The following GRM7 variants were observed in gnomAD, a reference collection of about 807,000 sequenced individuals.
GRM7 encodes glutamate metabotropic receptor 7, also known as metabotropic glutamate receptor 7.
A neutral mutation model predicts 84.5 loss-of-function variants in GRM7; 35 were observed. The observed-to-expected ratio is 0.41, with a 90% CI of 0.32 to 0.55. The LOEUF (loss-of-function observed/expected upper bound fraction) is 0.55. Among genes scored for constraint, GRM7 ranks in the 20% least tolerant of loss-of-function variants. GRM7 has a pLI of 0.19. For synonymous variants in GRM7, 487 were observed against 455.1 expected, an observed-to-expected ratio of 1.07 and a Z score of -0.89; for missense variants, 1,003 against 1,194.6, an observed-to-expected ratio of 0.84 and a Z score of 2.36.
At position 7,404,866 on chromosome 3, in the gene GRM7, T is replaced by C. The variant is rs578122936; in HGVS notation, c.1034-10157T>C. ...CTATATATAATCAATAAAAAATGTT[T>C]GCAATACACCCTATTGGTCTTGGTT... On this transcript the variant is annotated intron_variant, in intron 4 of 9. Transcript: ENST00000357716. Among the ~76,000 whole-genome samples the C allele has an allele frequency of 6.6e-5, 10 of 152,284 alleles. No individual in the cohort carries two copies. The South Asian group carries it at 2.1e-3, about 32-fold the overall frequency.
intron 4 of GRM7, among the ~76,000 whole-genome samples, chr3:7,376,565 C>T (rs189242876): frequency 1.3e-5 from 2 of 152,324 alleles, no homozygotes; most frequent in Admixed American, 6.5e-5. Context: ...TTCAGGGGCA[C>T]TCTAGACCAG....
intron 5 of GRM7, among the ~76,000 whole-genome samples, chr3:7,448,110 T>C (rs926909345): frequency 1.3e-4 from 19 of 151,908 alleles, no homozygotes; most frequent in African/African-American, 4.6e-4. Flanking sequence ...TAGTATTCCA[T>C]GGTGTATATG....
At position 7,263,524 on chromosome 3, in the gene GRM7, A is replaced by AC. The variant is rs1371469132; in HGVS notation, c.737-35159dup. Among the ~76,000 whole-genome samples, 9 of 152,256 alleles carry AC rather than the reference A, an allele frequency of 5.9e-5. No individual in the cohort carries two copies. In the South Asian group the frequency reaches 1.2e-3, roughly 21 times the overall value. On this transcript the variant is annotated intron_variant, in intron 2 of 9. Transcript: ENST00000357716. ...GGCATTTGCAGCAGTGTTGGTGGCA[A>AC]CACGGGTCAGGGGCGGCTCCACCTC...
chr3:7,345,802 G>A (rs1692863807), intron 4 of GRM7, among the ~76,000 whole-genome samples: 1 of 151,198 alleles, frequency 6.6e-6, no homozygotes, highest in South Asian at 2.1e-4. Flanking sequence ...AGGAAGCTGA[G>A]GGTAAAGTGT....
chr3:7,312,028 T>A (rs887415635), intron 4 of GRM7, among the ~76,000 whole-genome samples: 1 of 152,116 alleles, frequency 6.6e-6, no homozygotes, highest in African/African-American at 2.4e-5. Context: ...AATAACAAAG[T>A]CATAGCAAAT....
intron 1 of GRM7, among the ~76,000 whole-genome samples, chr3:6,951,725 A>C (rs549768669): frequency 2.6e-5 from 4 of 152,288 alleles, no homozygotes; most frequent in Non-Finnish European, 4.4e-5. Flanking sequence ...AAAAAAATAT[A>C]TGTGTGTTCC....
chr3:7,548,558 T>G (rs1693284106), intron 7 of GRM7, among the ~76,000 whole-genome samples: 1 of 152,130 alleles, frequency 6.6e-6, no homozygotes, highest in African/African-American at 2.4e-5. Context: ...TAATGGAAAA[T>G]CTCAGGCAAA....
chr3:7,725,528 C>T (rs1181851558), intron 9 of GRM7, among the ~76,000 whole-genome samples: 2 of 152,074 alleles, frequency 1.3e-5, no homozygotes, highest in East Asian at 3.9e-4. Flanking sequence ...GAAGTAAAGG[C>T]CTTGGTTTGG....
intron 7 of GRM7, among the ~76,000 whole-genome samples, chr3:7,535,643 T>C (rs1575465741): frequency 6.6e-6 from 1 of 152,228 alleles, no homozygotes; most frequent in Non-Finnish European, 1.5e-5. Context: ...AGTAAGAGTC[T>C]CTGTCAGGCA....
At chr3:7,242,924 C>A (rs1248143180) in intron 2 of GRM7, among the ~76,000 whole-genome samples, 2 of 152,036 alleles carry the variant, frequency 1.3e-5, no homozygotes, top group Admixed American at 1.3e-4. Context: ...CAATGTGGAG[C>A]CATAAAATAG....
chr3:7,556,583 G>A (rs1044011078), intron 7 of GRM7, among the ~76,000 whole-genome samples: 2 of 152,106 alleles, frequency 1.3e-5, no homozygotes, highest in Admixed American at 6.6e-5. Flanking sequence ...TTTGGTGCCA[G>A]GCATTGTACT....
At chr3:7,209,485 T>G (rs1311379993) in intron 2 of GRM7, among the ~76,000 whole-genome samples, 1 of 151,896 alleles carries the variant, frequency 6.6e-6, no homozygotes, top group East Asian at 1.9e-4. Context: ...CCAGAGACAA[T>G]GTGCTCTGAG....
At chr3:6,902,352 G>A (rs1037558504) in intron 1 of GRM7, among the ~76,000 whole-genome samples, 16 of 152,090 alleles carry the variant, frequency 1.1e-4, no homozygotes, top group Admixed American at 9.8e-4. Context: ...AAAATTTTAG[G>A]CAACCACAAT....
intron 8 of GRM7, among the ~76,000 whole-genome samples, chr3:7,620,102 TAGAAGATAA>T (rs1697288384): frequency 6.6e-6 from 1 of 152,086 alleles, no homozygotes; most frequent in Admixed American, 6.6e-5. Context: ...TATGAATAAT[TAGAAGATAA>T]GAAAGATGGT....
At chr3:7,056,224 G>A (rs1194086972) in intron 1 of GRM7, among the ~76,000 whole-genome samples, 1 of 151,998 alleles carries the variant, frequency 6.6e-6, no homozygotes, top group Admixed American at 6.6e-5. Context: ...GCTTCTGGCA[G>A]CCACAGTTTC....
intron 1 of GRM7, among the ~76,000 whole-genome samples, chr3:7,032,537 A>G (rs922446212): frequency 2.0e-5 from 3 of 152,132 alleles, no homozygotes; most frequent in African/African-American, 7.2e-5. Flanking sequence ...TCTCTTCTTC[A>G]CATCAAGCAA....
intron 7 of GRM7, among the ~76,000 whole-genome samples, chr3:7,522,069 T>C (rs1281872809): frequency 6.6e-6 from 1 of 152,124 alleles, no homozygotes; most frequent in Non-Finnish European, 1.5e-5. Flanking sequence ...TCCCAGCTCA[T>C]TTTGGAGGTT....
intron 9 of GRM7, among the ~76,000 whole-genome samples, chr3:7,696,763 T>C (rs1253458843): frequency 6.6e-6 from 1 of 152,206 alleles, no homozygotes; most frequent in Non-Finnish European, 1.5e-5. Context: ...GAAAAAACAG[T>C]ACAGGCAAAG....
chr3:7,471,967 T>A (rs1698720016), intron 7 of GRM7, among the ~76,000 whole-genome samples: 1 of 152,334 alleles, frequency 6.6e-6, no homozygotes, highest in South Asian at 2.1e-4. Context: ...GAGGGGGACC[T>A]AAAGGGAGGT....
Sources: allele counts gnomAD v4.1 joint callset (sites outside exome capture counted in the v4.1 genomes callset), GRCh38; gene constraint gnomAD v4.1.1; transcripts MANE v1.5; gene names NCBI Gene and HGNC (gene_info 2026-07-23, HGNC 2026-07-21).